TMEM255B: variants seen among roughly 807,000 people sequenced by gnomAD.
The protein encoded by TMEM255B is family with sequence similarity 70, member B.
Under a neutral mutation model 34.5 loss-of-function variants are expected in TMEM255B, and 35 were observed. The ratio of observed to expected loss-of-function variants is 1.01; its 90% confidence interval spans 0.77 to 1.34. The LOEUF (loss-of-function observed/expected upper bound fraction) is 1.34, where lower values mean the gene tolerates loss of function less well. Among genes scored for constraint, TMEM255B ranks in the 40% most tolerant of loss-of-function variants. The probability of loss-of-function intolerance (pLI) is 0.00; values close to 1 mark genes in which losing one functional copy is unlikely to be tolerated. For missense variants in TMEM255B, 432 were observed against 433.2 expected (o/e 1.00, Z 0.02); for synonymous variants, 206 against 201.2 (o/e 1.02, Z -0.20).
At chr13:113,777,158 T>G (rs1432067262) in intron 3 of TMEM255B, among the ~76,000 whole-genome samples, 1 of 152,148 alleles carries the variant, frequency 6.6e-6, no homozygotes, top group Non-Finnish European at 1.5e-5. Flanking sequence ...CAGATCTGTT[T>G]CTGTGGCCAC....
chr13:113,766,780 C>T (rs911640937), intron 2 of TMEM255B, among the ~76,000 whole-genome samples: 25 of 152,312 alleles, frequency 1.6e-4, no homozygotes, highest in African/African-American at 4.3e-4. Flanking sequence ...GACGTGATCG[C>T]GTGGGAACGG....
chr13:113,768,859 A>G, intron 2 of TMEM255B: 1 of 593,736 alleles, frequency 1.7e-6, no homozygotes, highest in Non-Finnish European at 3.3e-6. Context: ...CAAGCCAAAC[A>G]GATGCATCAT....
chr13:113,795,267 G>C, intron 4 of TMEM255B, 30 bp downstream of exon 4: 1 of 1,593,758 alleles, frequency 6.3e-7, no homozygotes, highest in Admixed American at 1.7e-5. Context: ...GTGCACAGTC[G>C]CTTTCCGGGG....
chr13:113,807,328 T>A (rs2051193497), intron 8 of TMEM255B, among the ~76,000 whole-genome samples: 1 of 149,380 alleles, frequency 6.7e-6, no homozygotes. Flanking sequence ...CACGCAGGCT[T>A]ACGGGATGTG....
At chr13:113,811,043 C>T (rs74118449) in intron 8 of TMEM255B, among the ~76,000 whole-genome samples, 12,449 of 152,104 alleles carry the variant, frequency 0.082, 1,705 homozygotes, top group African/African-American at 0.28. Flanking sequence ...ACCCCCTGCC[C>T]CATGCAGCTG....
chr13:113,768,511 GGCCCCCTCTGTGCCTGGCCCAGGT>G (rs1054657320), intron 2 of TMEM255B, among the ~76,000 whole-genome samples: 14 of 152,228 alleles, frequency 9.2e-5, no homozygotes, highest in African/African-American at 2.9e-4. Flanking sequence ...TGCAGCCCGG[GGCCCCCTCTGTGCCTGGCCCAGGT>G]GCCCCCTCTG....
rs1566341678 is a variant in TMEM255B at position 113,812,901 on chromosome 13, A to ACAGGCATCCCGAGTGG, written c.*998_*999insCAGGCATCCCGAGTGG. 8.9e-6 allele frequency: 1 copy of ACAGGCATCCCGAGTGG among 112,636 alleles called. No individual in the cohort carries two copies. The highest frequency in any genetic ancestry group is 4.1e-5 in the African/African-American group (1 of 24,382). The allele number at this position is 112,636 out of a possible 1,614,324, so 7.0% of individuals were successfully genotyped here. On this transcript the variant is annotated 3_prime_UTR_variant, in exon 9 of 9. Coordinates refer to ENST00000375353, the MANE Select transcript of TMEM255B (RefSeq NM_182614.4). ...CCGAGTGGGTCACAGGCCCCGGGTGAGTCACAGGCCCCGGGTGAGTCACGG... is the reference window on the plus strand; with the variant it reads ...CCGAGTGGGTCACAGGCCCCGGGTGACAGGCATCCCGAGTGGGTCACAGGCCCCGGGTGAGTCACGG...
At chr13:113,795,803 CCAAA>C in intron 4 of TMEM255B, among the ~76,000 whole-genome samples, 1 of 108,108 alleles carries the variant, frequency 9.3e-6, no homozygotes, top group South Asian at 3.2e-4. Flanking sequence ...AGCACACACA[CCAAA>C]ACAGAGCACA....
At chr13:113,785,774 T>A (rs1393565704) in intron 3 of TMEM255B, among the ~76,000 whole-genome samples, 1 of 152,140 alleles carries the variant, frequency 6.6e-6, no homozygotes, top group East Asian at 1.9e-4. Context: ...CTCTTCTCGA[T>A]GAAGGGATGA....
intron 1 of TMEM255B, among the ~76,000 whole-genome samples, chr13:113,759,731 G>A (rs939414448): frequency 1.3e-5 from 2 of 152,110 alleles, no homozygotes; most frequent in African/African-American, 4.8e-5. Context: ...ACCATTTTCC[G>A]GGAAAACTTC....
intron 7 of TMEM255B, 107 bp downstream of exon 7, chr13:113,801,919 C>A: frequency 7.9e-7 from 1 of 1,260,770 alleles, no homozygotes; most frequent in Non-Finnish European, 1.1e-6. Flanking sequence ...ACAGATGGGG[C>A]ACTGAAGCCC....
chr13:113,811,184 T>TGAGAGCGGTCCTGGGTCTGTGGGGG (rs1566338184), intron 8 of TMEM255B, among the ~76,000 whole-genome samples: 1 of 19,812 alleles, frequency 5.0e-5, no homozygotes, highest in African/African-American at 2.1e-4. Flanking sequence ...GTCTGTGGGG[T>TGAGAGCGGTCCTGGGTCTGTGGGGG]GGGGGCCAGT....
chr13:113,786,958 T>C (rs2050756096), intron 3 of TMEM255B, among the ~76,000 whole-genome samples: 1 of 152,218 alleles, frequency 6.6e-6, no homozygotes, highest in Non-Finnish European at 1.5e-5. Context: ...ACATGTGACA[T>C]GCATGGGGCA....
intron 5 of TMEM255B, 123 bp from the exon 6 acceptor site, chr13:113,800,704 G>T: frequency 1.2e-6 from 1 of 855,136 alleles, no homozygotes; most frequent in Middle Eastern, 3.5e-4. Flanking sequence ...AAAGTCGGGG[G>T]AGGCAGCTGC....
intron 1 of TMEM255B, among the ~76,000 whole-genome samples, chr13:113,760,993 C>T (rs938196093): frequency 6.6e-6 from 1 of 151,922 alleles, no homozygotes; most frequent in African/African-American, 2.4e-5. Context: ...CATAGTCTTT[C>T]TGCTTTGGGG....
intron 8 of TMEM255B, among the ~76,000 whole-genome samples, chr13:113,810,637 C>T (rs544701189): frequency 1.3e-5 from 2 of 152,298 alleles, no homozygotes; most frequent in African/African-American, 4.8e-5. Context: ...GACGCTGCCC[C>T]GGGAGTGCCT....
intron 1 of TMEM255B, among the ~76,000 whole-genome samples, chr13:113,763,156 C>A (rs2050335012): frequency 6.6e-6 from 1 of 152,124 alleles, no homozygotes; most frequent in South Asian, 2.1e-4. Context: ...TGGTCATGAT[C>A]AAATGAGATA....
chr13:113,766,695 A>C (rs566967545), intron 2 of TMEM255B, among the ~76,000 whole-genome samples: 8 of 152,328 alleles, frequency 5.3e-5, no homozygotes, highest in African/African-American at 1.4e-4. Context: ...CAGGTCGACC[A>C]CCATAGCCCA....
chr13:113,775,545 C>T (rs577699776), intron 3 of TMEM255B, among the ~76,000 whole-genome samples: 76 of 152,238 alleles, frequency 5.0e-4, no homozygotes, highest in Non-Finnish European at 8.7e-4. Context: ...GGCAAGAGCC[C>T]GTGCCAAGGC....
Sources: allele counts gnomAD v4.1 joint callset (sites outside exome capture counted in the v4.1 genomes callset), GRCh38; gene constraint gnomAD v4.1.1; transcripts MANE v1.5; gene names NCBI Gene and HGNC (gene_info 2026-07-23, HGNC 2026-07-21).